ITGAD: variants seen among roughly 807,000 people sequenced by gnomAD.
ITGAD encodes the protein integrin subunit alpha D.
A neutral mutation model predicts 139.0 loss-of-function variants in ITGAD; 105 were observed. That is an observed-to-expected ratio of 0.76 (90% confidence interval 0.65 to 0.89). The LOEUF is 0.89. Ranked by LOEUF, ITGAD falls within the 40% of genes least tolerant of loss-of-function variation. The pLI is 0.00. For missense variants in ITGAD, 1,384 were observed against 1,487.3 expected, an observed-to-expected ratio of 0.93 and a Z score of 1.14; for synonymous variants, 569 against 598.3, an observed-to-expected ratio of 0.95 and a Z score of 0.71.
intron 1 of ITGAD, 31 bp downstream of exon 1, chr16:31,393,422 T>C (rs2081185519): frequency 1.9e-6 from 3 of 1,613,430 alleles, no homozygotes; most frequent in Non-Finnish European, 2.5e-6. Context: ...GGGGAGAAGC[T>C]TGGAGGAGTT....
chr16:31,423,271 G>A, intron 24 of ITGAD, 79 bp downstream of exon 24: 1 of 1,582,184 alleles, frequency 6.3e-7, no homozygotes, highest in Non-Finnish European at 8.7e-7. Flanking sequence ...ATGGAGAGGA[G>A]CCTTGGGGTA....
intron 2 of ITGAD, among the ~76,000 whole-genome samples, chr16:31,397,038 A>AATGCCATT (rs2081279037): frequency 6.7e-6 from 1 of 150,006 alleles, no homozygotes; most frequent in African/African-American, 2.5e-5. Flanking sequence ...ATGATTGGGA[A>AATGCCATT]ATGCCATTTT....
At chr16:31,423,036 C>T in intron 23 of ITGAD, 78 bp from the exon 24 acceptor site, 1 of 1,125,820 alleles carries the variant, frequency 8.9e-7, no homozygotes, top group Admixed American at 1.7e-5. Flanking sequence ...CCCAGCCCAA[C>T]AGAGCTCTCT....
chr16:31,411,374 G>A lies in ITGAD; in HGVS notation c.1564G>A (p.Ala522Thr), dbSNP rs778294208. The stretch of plus-strand genomic sequence containing the variant: ...GGGCCACCCCTGGGGCCGCTTTGGG[G>A]CAGCCCTGACAGTGTTGGGGGATGT... Reference protein sequence around the residue: ...EQGHPWGRFGAALTVLGDVNE... With the variant: ...EQGHPWGRFGTALTVLGDVNE... Residue 522 changes from alanine (A) to threonine (T), a missense_variant, in exon 14 of 30, where the codon GCA becomes ACA. Coordinates refer to ENST00000389202, the MANE Select transcript of ITGAD (RefSeq NM_005353.3). 3.9e-5 allele frequency: 63 copies of A among 1,613,926 alleles called. No homozygotes were observed. Among genetic ancestry groups the A allele is most frequent in the South Asian group, 1.3e-4 (12 of 91,086 alleles).
chr16:31,407,936 C>G lies in ITGAD; in HGVS notation c.1009+20C>G. ...TTGAGGGTAAATGGAAGCAAGGGTGCGCCTGGGAGCCAAGGGGTCCCCACC... is the reference window on the plus strand; with the variant it reads ...TTGAGGGTAAATGGAAGCAAGGGTGGGCCTGGGAGCCAAGGGGTCCCCACC... On this transcript the variant is annotated intron_variant, in intron 9 of 29. Transcript: ENST00000389202. The G allele has an allele frequency of 6.4e-7, 1 of 1,553,874 alleles. No individual in the cohort carries two copies.
intron 29 of ITGAD, among the ~76,000 whole-genome samples, chr16:31,425,767 C>T (rs1443607805): frequency 6.6e-6 from 1 of 151,788 alleles, no homozygotes; most frequent in Non-Finnish European, 1.5e-5. Flanking sequence ...ACGGCAACCT[C>T]TGCCTCCCGG....
rs555043054 is a variant in ITGAD, at chr16:31,411,491, T to G, written c.1681T>G (p.Ser561Ala). Residue 561 changes from serine to alanine, a missense_variant, in exon 14 of 30, where the codon TCC (serine) becomes GCC (alanine). By Grantham distance (99) the Ser-to-Ala change is moderately conservative. Transcript: ENST00000389202. Reference sequence around the variant, plus strand: ...CTACCTGTTTCACGGAGCCTCAGAATCCGGCATCAGCCCCTCCCACAGCCA... The same window carrying G: ...CTACCTGTTTCACGGAGCCTCAGAAGCCGGCATCAGCCCCTCCCACAGCCA... Reference protein sequence around the residue: ...AVYLFHGASESGISPSHSQRI... With the variant: ...AVYLFHGASEAGISPSHSQRI... 6.2e-7 allele frequency: 1 copy of G among 1,613,674 alleles called. No homozygotes were observed. Among genetic ancestry groups the G allele is most frequent in the Admixed American group, 1.7e-5 (1 of 59,996 alleles).
chr16:31,412,058 C>T (rs1370211992), intron 14 of ITGAD, among the ~76,000 whole-genome samples: 2 of 151,672 alleles, frequency 1.3e-5, no homozygotes, highest in Non-Finnish European at 2.9e-5. Flanking sequence ...GGTCCTCACC[C>T]TGTTTGCTTT....
At chr16:31,396,930 G>A (rs1445971525) in intron 2 of ITGAD, among the ~76,000 whole-genome samples, 1 of 152,102 alleles carries the variant, frequency 6.6e-6, no homozygotes, top group Non-Finnish European at 1.5e-5. Flanking sequence ...TGTTTTGAAA[G>A]CACATGTCTT....
intron 9 of ITGAD, 103 bp from the exon 10 acceptor site, chr16:31,408,322 T>C: frequency 2.1e-6 from 2 of 960,984 alleles, no homozygotes; most frequent in Non-Finnish European, 1.6e-6. Flanking sequence ...CACTCAAAAT[T>C]GCTGTCTGGA....
At chr16:31,414,710 G>A in intron 17 of ITGAD, 105 bp downstream of exon 17, 2 of 1,563,206 alleles carry the variant, frequency 1.3e-6, no homozygotes, top group Non-Finnish European at 1.7e-6. Flanking sequence ...AGGATGTTGG[G>A]GCTGGAGAGA....
In ITGAD at chr16:31,416,565, C is replaced by T. The variant is rs201968574; in HGVS notation, c.2418C>T (p.Asn806=). 1.4e-5 allele frequency: 22 copies of T among 1,613,966 alleles called. No individual in the cohort carries two copies. Among genetic ancestry groups the T allele is most frequent in the East Asian group, 6.7e-5 (3 of 44,862 alleles). ...LELNVIVTVW[N]AGEDSYGTVV... is the part of the protein sequence containing the mutation. ...TCAACGTGATTGTGACTGTGTGGAA[C>T]GCAGGTGAGGATTCCTACGGAACCG... The change falls in exon 20 of 30, where the codon AAC becomes AAT. Residue 806 remains asparagine, a synonymous_variant. Coordinates refer to ENST00000389202, the MANE Select transcript of ITGAD (RefSeq NM_005353.3).
intron 5 of ITGAD, 93 bp from the exon 6 acceptor site, chr16:31,402,022 C>T: frequency 7.0e-7 from 1 of 1,427,638 alleles, no homozygotes; most frequent in Non-Finnish European, 9.6e-7. Context: ...GGTGGGGATG[C>T]CAAGAACAGC....
intron 29 of ITGAD, among the ~76,000 whole-genome samples, chr16:31,425,535 ATAGCTGT>A (rs2082096212): frequency 6.6e-6 from 1 of 152,154 alleles, no homozygotes; most frequent in Admixed American, 6.5e-5. Flanking sequence ...TCGATATATG[ATAGCTGT>A]TCACATAAAT....
Position 31,413,206 on chromosome 16 carries a change from C to T in ITGAD, c.1956C>T (p.Thr652=), listed in dbSNP as rs754519640. 7.4e-6 allele frequency: 12 copies of T among 1,614,028 alleles called. No homozygotes were observed. Among genetic ancestry groups the T allele is most frequent in the African/African-American group, 4.0e-5 (3 of 74,918 alleles). The change falls in exon 16 of 30, where the codon ACC becomes ACT. Residue 652 remains threonine, a synonymous_variant. Transcript: ENST00000389202. ...GTGCCCTGGAAGCTGGGGACGCCAC[C>T]GTCTGTCTCACCATCCAGAAAAGCT... ...KPSALEAGDA[T]VCLTIQKSSL... is the part of the protein sequence containing the mutation.
At chr16:31,409,753 T>TA (rs377029375) in intron 10 of ITGAD, among the ~76,000 whole-genome samples, 56 of 149,306 alleles carry the variant, frequency 3.8e-4, no homozygotes, top group African/African-American at 1.3e-3. Context: ...CTACAAAAAA[T>TA]AAAAAAAAAT....
Position 31,403,912 on chromosome 16 carries a change from C to T in ITGAD, c.704+267C>T, listed in dbSNP as rs2081472798. The T allele has an allele frequency of 1.3e-5, 6 of 466,678 alleles. No individual in the cohort carries two copies. 28.9% of individuals were successfully genotyped at this position (466,678 alleles called of 1,614,324 possible). Reference sequence around the variant, plus strand: ...CTGGACCCCAGGACCCCTCCCCACCCCACAGCAGCCAGAGGCCCGGGCTTT... The same window carrying T: ...CTGGACCCCAGGACCCCTCCCCACCTCACAGCAGCCAGAGGCCCGGGCTTT... On this transcript the variant is annotated intron_variant, in intron 7 of 29. Transcript: ENST00000389202. The surrounding 1 kb of genome is among the most constrained non-coding windows in gnomAD (Gnocchi z 4.4).
At position 31,413,408 on chromosome 16, in the gene ITGAD, G is replaced by A. The variant is rs1048116454; in HGVS notation, c.1996+162G>A. On this transcript the variant is annotated intron_variant, in intron 16 of 29. Coordinates refer to ENST00000389202, the MANE Select transcript of ITGAD (RefSeq NM_005353.3). ...TTCTCTCCCCTCTTCCTCACACCTG[G>A]GCCTGTGGATTCTGTCTCCAGGGCT... Among the ~76,000 whole-genome samples the A allele has an allele frequency of 2.0e-5, 3 of 152,062 alleles. No homozygotes were observed. In the East Asian group the frequency reaches 5.8e-4, roughly 30 times the overall value.
chr16:31,409,245 A>C (rs1028611465), intron 10 of ITGAD, among the ~76,000 whole-genome samples: 1 of 152,104 alleles, frequency 6.6e-6, no homozygotes, highest in African/African-American at 2.4e-5. Context: ...CACTGAGCCG[A>C]GATTGTGCCA....
Sources: gnomAD v4.1 joint callset for allele counts (sites outside exome capture counted in the v4.1 genomes callset) on GRCh38, gnomAD v4.1.1 for gene constraint, Gnocchi (gnomAD v3.1) non-coding constraint, MANE v1.5 for transcripts, NCBI Gene and HGNC (gene_info 2026-07-23, HGNC 2026-07-21) for gene names.